The following DLGAP2 variants were observed in gnomAD, a reference collection of about 807,000 sequenced individuals.
DLGAP2 encodes the protein disks large-associated protein 2.
DLGAP2 carries 26 observed loss-of-function variants against 100.3 expected under a neutral mutation model. That is an observed-to-expected ratio of 0.26 (90% CI 0.19 to 0.36). DLGAP2 has a LOEUF of 0.36. DLGAP2 is among the 10% of genes least tolerant of loss of function. The pLI is 1.00. For missense variants in DLGAP2, 1,858 were observed against 1,453.2 expected (o/e 1.28, Z -4.53); for synonymous variants, 886 against 630.1 (o/e 1.41, Z -6.08).
At chr8:1,050,958 TGGGGTCATTTCGTGGGTG>T (rs1388132174) in intron 2 of DLGAP2, among the ~76,000 whole-genome samples, 2 of 72,976 alleles carry the variant, frequency 2.7e-5, no homozygotes, top group East Asian at 4.0e-4. Context: ...CATTTTGTGG[TGGGGTCATTTCGTGGGTG>T]GGGGTCATTT....
rs1797515646 is a variant in DLGAP2, at chr8:1,626,802, A to G, written c.1505A>G (p.Asn502Ser). ...GGACACAGCCTGGACCCCGCTGCGA[A>G]CTACAACTCCCCGAAATTCCGCTCC... ...PVGHSLDPAA[N>S]YNSPKFRSRN... The change falls in exon 7 of 15, where the codon AAC (asparagine) becomes AGC (serine). Residue 502 changes from asparagine to serine, a missense_variant. Coordinates refer to ENST00000637795, the MANE Select transcript of DLGAP2 (RefSeq NM_001346810.2). The G allele has an allele frequency of 6.2e-7, 1 of 1,604,706 alleles. No homozygotes were observed. The highest frequency in any genetic ancestry group is 8.5e-7 in the Non-Finnish European group (1 of 1,176,004).
At chr8:1,321,502 C>T (rs1346249793) in intron 3 of DLGAP2, among the ~76,000 whole-genome samples, 2 of 152,262 alleles carry the variant, frequency 1.3e-5, no homozygotes, top group South Asian at 2.1e-4. Context: ...GACCACCATG[C>T]TGCTTGGCTG....
chr8:1,010,522 A>C (rs1801250933), intron 2 of DLGAP2, among the ~76,000 whole-genome samples: 1 of 152,230 alleles, frequency 6.6e-6, no homozygotes. Flanking sequence ...ACATACGCCC[A>C]CACACACATA....
intron 3 of DLGAP2, among the ~76,000 whole-genome samples, chr8:1,320,176 T>C (rs1563081174): frequency 6.6e-6 from 1 of 151,906 alleles, no homozygotes; most frequent in Non-Finnish European, 1.5e-5. Flanking sequence ...GTTGAGTCCT[T>C]AGTCATGGTG....
At chr8:1,118,268 T>G (rs1795942952) in intron 2 of DLGAP2, among the ~76,000 whole-genome samples, 1 of 152,210 alleles carries the variant, frequency 6.6e-6, no homozygotes. Context: ...CTTCTTCAGC[T>G]TCACTCTGGT....
chr8:1,425,997 C>T (rs1009704438), intron 3 of DLGAP2, among the ~76,000 whole-genome samples: 4 of 152,212 alleles, frequency 2.6e-5, no homozygotes, highest in Non-Finnish European at 5.9e-5. Context: ...ACATGCTACA[C>T]CTGCAAGGTG....
chr8:881,563 G>C (rs1797793495), intron 1 of DLGAP2, among the ~76,000 whole-genome samples: 1 of 130,586 alleles, frequency 7.7e-6, no homozygotes, highest in East Asian at 2.1e-4. Context: ...GCAGTGGCAC[G>C]ATTTTGGCTC....
chr8:1,235,209 C>T (rs1160542554), intron 2 of DLGAP2, among the ~76,000 whole-genome samples: 15 of 114,458 alleles, frequency 1.3e-4, no homozygotes, highest in African/African-American at 3.9e-4. Context: ...GGCGTCATGT[C>T]TAGTTCTCTC....
intron 3 of DLGAP2, among the ~76,000 whole-genome samples, chr8:1,451,597 C>G (rs1224431690): frequency 4.6e-5 from 7 of 152,120 alleles, no homozygotes; most frequent in Non-Finnish European, 1.0e-4. Flanking sequence ...CCGCCTCCAT[C>G]ACATGTCCCC....
chr8:1,067,451 T>C (rs1311725136), intron 2 of DLGAP2, among the ~76,000 whole-genome samples: 15 of 152,106 alleles, frequency 9.9e-5, no homozygotes, highest in Admixed American at 9.8e-4. Context: ...AGAGGCTTCC[T>C]GGGAGGGGGC....
chr8:1,252,777 T>G (rs1390881816), intron 2 of DLGAP2, among the ~76,000 whole-genome samples: 1 of 152,240 alleles, frequency 6.6e-6, no homozygotes, highest in African/African-American at 2.4e-5. Flanking sequence ...CCGGATGTGG[T>G]GCCTCCAGGT....
intron 6 of DLGAP2, among the ~76,000 whole-genome samples, chr8:1,583,643 T>G (rs1405844257): frequency 6.6e-6 from 1 of 152,096 alleles, no homozygotes; most frequent in African/African-American, 2.4e-5. Context: ...GTCCTGACGT[T>G]TTTGCCTTTC....
chr8:1,416,270 G>T (rs977042513), intron 3 of DLGAP2, among the ~76,000 whole-genome samples: 1 of 152,302 alleles, frequency 6.6e-6, no homozygotes, highest in East Asian at 1.9e-4. Flanking sequence ...CCGGCCTGGC[G>T]GGGGATTGTA....
intron 1 of DLGAP2, among the ~76,000 whole-genome samples, chr8:748,182 GTCTGCGGTGGGATGGGGGGC>G (rs1820696615): frequency 7.2e-5 from 3 of 41,558 alleles, no homozygotes; most frequent in African/African-American, 3.2e-4. Context: ...GGATGGGCGG[GTCTGCGGTGGGATGGGGGGC>G]TCTGCGGTGG....
At chr8:986,604 A>G (rs1800493772) in intron 2 of DLGAP2, among the ~76,000 whole-genome samples, 1 of 152,084 alleles carries the variant, frequency 6.6e-6, no homozygotes, top group Non-Finnish European at 1.5e-5. Flanking sequence ...ACTGGAGGAG[A>G]AAAGGAGACT....
chr8:810,494 A>C (rs529481744), intron 1 of DLGAP2, among the ~76,000 whole-genome samples: 4 of 152,202 alleles, frequency 2.6e-5, no homozygotes, highest in Admixed American at 1.3e-4. Flanking sequence ...TTTGCCACCT[A>C]TTGTTTTCGA....
intron 8 of DLGAP2, among the ~76,000 whole-genome samples, chr8:1,660,455 A>G (rs1303482828): frequency 2.6e-5 from 4 of 152,350 alleles, no homozygotes; most frequent in East Asian, 3.9e-4. Flanking sequence ...GACAAAAGCT[A>G]TATTTAAAAT....
At chr8:1,501,102 T>A (rs2286217) in intron 3 of DLGAP2, among the ~76,000 whole-genome samples, 6 of 151,840 alleles carry the variant, frequency 4.0e-5, no homozygotes, top group African/African-American at 1.5e-4. Flanking sequence ...AAGCTGAGAA[T>A]CATTGGGACT....
intron 1 of DLGAP2, among the ~76,000 whole-genome samples, chr8:761,682 G>C (rs1463422700): frequency 6.6e-6 from 1 of 152,180 alleles, no homozygotes; most frequent in Non-Finnish European, 1.5e-5. Flanking sequence ...TCATTCCCGT[G>C]TGTCAGGCAC....
Sources: allele counts gnomAD v4.1 joint callset (sites outside exome capture counted in the v4.1 genomes callset), GRCh38; gene constraint gnomAD v4.1.1; transcripts MANE v1.5; gene names NCBI Gene and HGNC (gene_info 2026-07-23, HGNC 2026-07-21).